ZIM2: variants seen among roughly 807,000 people sequenced by gnomAD.
The protein encoded by ZIM2 is zinc finger imprinted 2.
Under a neutral mutation model 38.6 loss-of-function variants are expected in ZIM2, and 14 were observed. The ratio of observed to expected loss-of-function variants is 0.36; its 90% CI spans 0.24 to 0.57. ZIM2 has a LOEUF of 0.57. Ranked by LOEUF, ZIM2 falls within the 20% of genes least tolerant of loss-of-function variation. ZIM2 has a pLI of 0.81. For missense variants in ZIM2, 680 were observed against 695.1 expected, an observed-to-expected ratio of 0.98 and a Z score of 0.24; for synonymous variants, 247 against 245.8, an observed-to-expected ratio of 1.00 and a Z score of -0.04.
Position 56,814,331 on chromosome 19 carries a change from C to A in ZIM2, c.490+3415G>T, listed in dbSNP as rs755314775. 6.2e-7 allele frequency: 1 copy of A among 1,612,942 alleles called. No individual in the cohort carries two copies. Among genetic ancestry groups the A allele is most frequent in the South Asian group, 1.1e-5 (1 of 91,026 alleles). ...TGGACATTGGCTTCAACTTCCTGGG[C>A]TGCTGCTGCTGCAGCTGCTGCTGCT... On this transcript the variant is annotated intron_variant, in intron 9 of 12. Coordinates refer to ENST00000629319, the MANE Select transcript of ZIM2 (RefSeq NM_001387356.1). The surrounding 1 kb of genome is among the most constrained non-coding windows in gnomAD (Gnocchi z 5.8).
At chr19:56,812,883 A>G (rs1194903038) in intron 9 of ZIM2, 63 of 985,686 alleles carry the variant, frequency 6.4e-5, no homozygotes, top group South Asian at 4.7e-5. Context: ...TTCAACAAAC[A>G]TAACATGTGG....
chr19:56,782,257 G>C (rs1260902590), intron 10 of ZIM2, 136 bp from the exon 11 acceptor site: 1 of 1,183,632 alleles, frequency 8.4e-7, no homozygotes, highest in Admixed American at 2.6e-5. Context: ...TTGTCTTATC[G>C]AGTCTGAGAG....
chr19:56,817,321 C>A, intron 9 of ZIM2: 2 of 1,614,112 alleles, frequency 1.2e-6, no homozygotes, highest in Non-Finnish European at 1.7e-6. Flanking sequence ...AAACCTAAAG[C>A]CTCCCCTAAA....
intron 2 of ZIM2, among the ~76,000 whole-genome samples, chr19:56,831,767 C>G (rs1270145948): frequency 6.6e-6 from 1 of 152,220 alleles, no homozygotes; most frequent in South Asian, 2.1e-4. Context: ...GCAAAACATT[C>G]ACCATAGAAA....
At position 56,774,671 on chromosome 19, in the gene ZIM2, C is replaced by T; in HGVS notation, c.*17G>A. 6.2e-7 allele frequency: 1 copy of T among 1,608,516 alleles called. No individual in the cohort carries two copies. The highest frequency in any genetic ancestry group is 8.5e-7 in the Non-Finnish European group (1 of 1,176,560). On this transcript the variant is annotated 3_prime_UTR_variant, in exon 13 of 13. Coordinates refer to ENST00000629319, the MANE Select transcript of ZIM2 (RefSeq NM_001387356.1). ...CCAATAATGTTGAGAAAAGTGTGTG[C>T]TGTGACTAAAGGTTTCTCAACAGTG...
In ZIM2 at chr19:56,814,370, C is replaced by T; in HGVS notation, c.490+3376G>A. On this transcript the variant is annotated intron_variant, in intron 9 of 12. Transcript: ENST00000629319. The surrounding 1 kb of genome is among the most constrained non-coding windows in gnomAD (Gnocchi z 5.8). ...GCTGCTGCTGCTTCATCTTCTTCTT[C>T]TTCTTCCAGATGAAGCTCCTTATGT... 1.2e-6 allele frequency: 2 copies of T among 1,613,960 alleles called. No individual in the cohort carries two copies. Among genetic ancestry groups the T allele is most frequent in the South Asian group, 1.1e-5 (1 of 91,078 alleles).
chr19:56,813,181 T>G lies in ZIM2; in HGVS notation c.490+4565A>C, dbSNP rs569741431. ...AAGACACTTAAAAATATAATCAAAT[T>G]TGTTGCTCTCTTCCTCCTCCAAAAA... On this transcript the variant is annotated intron_variant, in intron 9 of 12. Coordinates refer to ENST00000629319, the MANE Select transcript of ZIM2 (RefSeq NM_001387356.1). 4.1e-4 allele frequency: 404 copies of G among 977,986 alleles called. 4 individuals carry two copies. The South Asian group carries it at 0.017, about 42-fold the overall frequency. The allele number at this position is 977,986 out of a possible 1,614,324, so 60.6% of individuals were successfully genotyped here.
At chr19:56,829,525 G>A (rs1043221747) in intron 2 of ZIM2, among the ~76,000 whole-genome samples, 4 of 152,198 alleles carry the variant, frequency 2.6e-5, no homozygotes, top group African/African-American at 9.7e-5. Context: ...TTGTGTTACT[G>A]CTATGTAACC....
At chr19:56,775,878 G>C (rs917876809) in intron 12 of ZIM2, among the ~76,000 whole-genome samples, 4 of 151,996 alleles carry the variant, frequency 2.6e-5, no homozygotes, top group Admixed American at 2.0e-4. Context: ...GAGATGGGCG[G>C]ATCACAAGGT....
intron 2 of ZIM2, among the ~76,000 whole-genome samples, chr19:56,827,292 A>G (rs2061134689): frequency 6.6e-6 from 1 of 152,240 alleles, no homozygotes; most frequent in Non-Finnish European, 1.5e-5. Context: ...CAAGAAATTC[A>G]GGATTAAACA....
At chr19:56,803,228 A>G (rs2047607740) in intron 9 of ZIM2, among the ~76,000 whole-genome samples, 1 of 152,200 alleles carries the variant, frequency 6.6e-6, no homozygotes, top group Non-Finnish European at 1.5e-5. Flanking sequence ...GGTGTGTAAC[A>G]GCTTGAACCC....
chr19:56,837,132 G>A (rs10401240), intron 1 of ZIM2, among the ~76,000 whole-genome samples: 3 of 152,108 alleles, frequency 2.0e-5, no homozygotes, highest in African/African-American at 7.2e-5. Context: ...CTCCGTAGGA[G>A]AGCTAGGGCT....
chr19:56,792,122 C>G (rs183851779), intron 9 of ZIM2, among the ~76,000 whole-genome samples: 1 of 149,472 alleles, frequency 6.7e-6, no homozygotes, highest in Admixed American at 6.8e-5. Context: ...AAAGCTGATA[C>G]ACTCAGAGAA....
chr19:56,797,517 T>G (rs1173338182), intron 9 of ZIM2, among the ~76,000 whole-genome samples: 5 of 152,176 alleles, frequency 3.3e-5, no homozygotes, highest in African/African-American at 1.2e-4. Flanking sequence ...TTTCTTTCTG[T>G]TTATTCCTGT....
chr19:56,801,883 C>T (rs561166606), intron 9 of ZIM2, among the ~76,000 whole-genome samples: 1 of 152,170 alleles, frequency 6.6e-6, no homozygotes, highest in Non-Finnish European at 1.5e-5. Flanking sequence ...AAATGGCAAG[C>T]CCACCTACTG....
chr19:56,806,261 T>C (rs1223610944), intron 9 of ZIM2, among the ~76,000 whole-genome samples: 5 of 152,220 alleles, frequency 3.3e-5, no homozygotes, highest in South Asian at 4.1e-4. Context: ...ATATGACAGA[T>C]GTTTATTTCT....
Position 56,814,967 on chromosome 19 carries a change from C to T in ZIM2, c.490+2779G>A. On this transcript the variant is annotated intron_variant, in intron 9 of 12. Coordinates refer to ENST00000629319, the MANE Select transcript of ZIM2 (RefSeq NM_001387356.1). The surrounding 1 kb of genome is among the most constrained non-coding windows in gnomAD (Gnocchi z 5.8). Reference sequence around the variant, plus strand: ...TTTGGACATTCATACAGCTGCTCTCCAGTGTAATCTCTCTGATACTCGCTG... The same window carrying T: ...TTTGGACATTCATACAGCTGCTCTCTAGTGTAATCTCTCTGATACTCGCTG... 2 of 1,614,098 alleles carry T rather than the reference C, an allele frequency of 1.2e-6. No individual in the cohort carries two copies. Among genetic ancestry groups the T allele is most frequent in the Non-Finnish European group, 1.7e-6 (2 of 1,179,988 alleles).
intron 9 of ZIM2, chr19:56,817,298 C>T (rs2060067943): frequency 6.2e-7 from 1 of 1,614,032 alleles, no homozygotes; most frequent in South Asian, 1.1e-5. Flanking sequence ...TTTCTGGAAA[C>T]AAGGGTTGAA....
chr19:56,787,123 A>G (rs1299427542), intron 10 of ZIM2, among the ~76,000 whole-genome samples: 1 of 152,192 alleles, frequency 6.6e-6, no homozygotes, highest in Admixed American at 6.5e-5. Context: ...GGTATGAGCC[A>G]CTGCACCCGG....
Sources: allele counts gnomAD v4.1 joint callset (sites outside exome capture counted in the v4.1 genomes callset), GRCh38; gene constraint gnomAD v4.1.1; non-coding constraint Gnocchi (gnomAD v3.1); transcripts MANE v1.5; gene names NCBI Gene and HGNC (gene_info 2026-07-23, HGNC 2026-07-21).